The following CD226 variants were observed in gnomAD, a reference collection of about 807,000 sequenced individuals.
The protein encoded by CD226 is CD226 molecule, also known as CD226 antigen.
In CD226, 24 loss-of-function variants were observed where a neutral mutation model predicts 34.9. The ratio of observed to expected loss-of-function variants is 0.69; its 90% CI spans 0.50 to 0.97. The LOEUF is 0.97. Among genes scored for constraint, CD226 ranks in the 50% least tolerant of loss-of-function variants. The pLI, the probability that CD226 is intolerant of heterozygous loss-of-function variation, is 0.00. For synonymous variants in CD226, 148 were observed against 147.4 expected (o/e 1.00, Z -0.03); for missense variants, 397 against 412.7 (o/e 0.96, Z 0.33).
In CD226 at chr18:69,864,103, T is replaced by A; in HGVS notation, c.*211A>T. The A allele has an allele frequency of 1.9e-6, 1 of 517,042 alleles. No individual in the cohort carries two copies. The allele number at this position is 517,042 out of a possible 1,614,324, so 32.0% of individuals were successfully genotyped here. ...CATTCTGTTATATGATACAGTAAGT[T>A]TTCTTTTGTATATAAACCAGTTAGA... is the stretch of plus-strand genomic sequence containing the variant. On this transcript the variant is annotated 3_prime_UTR_variant, in exon 6 of 6. Coordinates refer to ENST00000582621, the MANE Select transcript of CD226 (RefSeq NM_001303618.2).
At chr18:69,954,296 G>C (rs987714050) in intron 1 of CD226, among the ~76,000 whole-genome samples, 1 of 152,206 alleles carries the variant, frequency 6.6e-6, no homozygotes, top group African/African-American at 2.4e-5. Context: ...TCACAACTTT[G>C]TGATAACAGC....
At position 69,898,867 on chromosome 18, in the gene CD226, G is replaced by A. The variant is rs1472684057; in HGVS notation, c.383-2822C>T. On this transcript the variant is annotated intron_variant, in intron 2 of 5. Coordinates refer to ENST00000582621, the MANE Select transcript of CD226 (RefSeq NM_001303618.2). ...AAGAGCCCACACAAACAAGAGAACC[G>A]TGGGATCCTGATGAACTTGGAATTG... Among the ~76,000 whole-genome samples, 6 of 152,314 alleles carry A rather than the reference G, an allele frequency of 3.9e-5. No homozygotes were observed. In the East Asian group the frequency reaches 7.7e-4, roughly 20 times the overall value.
intron 2 of CD226, among the ~76,000 whole-genome samples, chr18:69,905,903 T>C (rs2055247105): frequency 6.6e-6 from 1 of 152,116 alleles, no homozygotes; most frequent in Non-Finnish European, 1.5e-5. Context: ...TGTCAAAGAT[T>C]CTCTCACCAA....
chr18:69,939,949 G>A (rs2055702258), intron 2 of CD226, among the ~76,000 whole-genome samples: 1 of 152,120 alleles, frequency 6.6e-6, no homozygotes, highest in Admixed American at 6.5e-5. Flanking sequence ...ATATAATTTG[G>A]CCGTGTGCCC....
At chr18:69,953,200 C>T (rs1294928828) in intron 1 of CD226, among the ~76,000 whole-genome samples, 1 of 152,042 alleles carries the variant, frequency 6.6e-6, no homozygotes, top group Non-Finnish European at 1.5e-5. Flanking sequence ...ACTGTATGAC[C>T]CAGAAGTTTT....
At chr18:69,896,622 A>T (rs1372096711) in intron 2 of CD226, among the ~76,000 whole-genome samples, 1 of 152,194 alleles carries the variant, frequency 6.6e-6, no homozygotes, top group Non-Finnish European at 1.5e-5. Context: ...TGTAGTGAGA[A>T]ACACAGCCAA....
At chr18:69,935,989 T>A (rs900392536) in intron 2 of CD226, among the ~76,000 whole-genome samples, 1 of 152,120 alleles carries the variant, frequency 6.6e-6, no homozygotes, top group African/African-American at 2.4e-5. Context: ...AAAAGTTTCC[T>A]CTGGATTTTG....
chr18:69,933,139 C>T (rs901071675), intron 2 of CD226, among the ~76,000 whole-genome samples: 5 of 152,144 alleles, frequency 3.3e-5, no homozygotes, highest in African/African-American at 1.2e-4. Context: ...CTCCTATCTG[C>T]CTGCTTTTGT....
chr18:69,951,988 A>G (rs2055858075), upstream of CD226, among the ~76,000 whole-genome samples: 2 of 152,226 alleles, frequency 1.3e-5, no homozygotes, highest in South Asian at 4.1e-4. Flanking sequence ...TGTTTATTGC[A>G]GCACTATTCA....
In CD226 at chr18:69,858,979, T is replaced by C. The variant is rs1982697104; in HGVS notation, c.*5335A>G. On this transcript the variant is annotated 3_prime_UTR_variant, in exon 6 of 6. Transcript: ENST00000582621. Reference sequence around the variant, plus strand: ...CCTGACCTCGTATTTTTTTTTTTCTTCAACAGTCAGTATCTGTTTTCGTGC... The same window carrying C: ...CCTGACCTCGTATTTTTTTTTTTCTCCAACAGTCAGTATCTGTTTTCGTGC... The C allele has an allele frequency of 6.6e-6, 1 of 151,894 alleles. No homozygotes were observed. The highest frequency in any genetic ancestry group is 1.5e-5 in the Non-Finnish European group (1 of 67,966). The allele number at this position is 151,894 out of a possible 1,614,324, so 9.4% of individuals were successfully genotyped here. A position where few individuals can be genotyped will look rare whatever the true frequency, so the allele number is the denominator to read the frequency against.
At chr18:69,886,305 C>T (rs1984552546) in intron 3 of CD226, among the ~76,000 whole-genome samples, 1 of 152,200 alleles carries the variant, frequency 6.6e-6, no homozygotes, top group African/African-American at 2.4e-5. Flanking sequence ...CACTGGCACA[C>T]ATAGAAACAT....
In CD226 at chr18:69,911,997, A is replaced by G. The variant is rs150189697; in HGVS notation, c.383-15952T>C. Among the ~76,000 whole-genome samples, 32 of 152,206 alleles carry G rather than the reference A, an allele frequency of 2.1e-4. 2 individuals carry two copies. In the East Asian group the frequency reaches 6.0e-3, roughly 29 times the overall value. On this transcript the variant is annotated intron_variant, in intron 2 of 5. Transcript: ENST00000582621. ...CTTCATTTTCTTATATCTATTCAAA[A>G]TGTTTCTTTCTTTTTTTATTATACT...
upstream of CD226, among the ~76,000 whole-genome samples, chr18:69,949,652 T>C (rs1481026677): frequency 6.6e-6 from 1 of 151,802 alleles, no homozygotes; most frequent in Non-Finnish European, 1.5e-5. Context: ...AACCCACACA[T>C]GCTGTCTCCC....
chr18:69,856,092 T>C lies in CD226; in HGVS notation c.*8222A>G, dbSNP rs987415034. On this transcript the variant is annotated 3_prime_UTR_variant, in exon 6 of 6. Coordinates refer to ENST00000582621, the MANE Select transcript of CD226 (RefSeq NM_001303618.2). ...ACATTAAATATAAATATTTAGATAA[T>C]TTAAAATTAAAAGGATAAAGATGTG... is the stretch of plus-strand genomic sequence containing the variant. The C allele has an allele frequency of 6.6e-6, 1 of 152,132 alleles. No individual in the cohort carries two copies. Among genetic ancestry groups the C allele is most frequent in the African/African-American group, 2.4e-5 (1 of 41,436 alleles). 9.4% of individuals were successfully genotyped at this position (152,132 alleles called of 1,614,324 possible). A position where few individuals can be genotyped will look rare whatever the true frequency, so the allele number is the denominator to read the frequency against.
chr18:69,883,789 G>A (rs1423192988), intron 3 of CD226, among the ~76,000 whole-genome samples: 1 of 152,180 alleles, frequency 6.6e-6, no homozygotes, highest in Admixed American at 6.5e-5. Context: ...ATCTTAAAAT[G>A]AGCCATCAGT....
chr18:69,888,765 T>C (rs887942184), intron 3 of CD226, among the ~76,000 whole-genome samples: 1 of 152,226 alleles, frequency 6.6e-6, no homozygotes, highest in African/African-American at 2.4e-5. Context: ...CTGTTAGAAC[T>C]TGCTTTATGT....
chr18:69,891,625 T>G (rs1224354193), intron 3 of CD226, among the ~76,000 whole-genome samples: 2 of 152,038 alleles, frequency 1.3e-5, no homozygotes, highest in Non-Finnish European at 2.9e-5. Flanking sequence ...AACTAATAAA[T>G]GAATTCAGTT....
intron 2 of CD226, among the ~76,000 whole-genome samples, chr18:69,937,858 CA>C (rs1373979013): frequency 1.3e-5 from 2 of 152,172 alleles, no homozygotes; most frequent in Non-Finnish European, 2.9e-5. Flanking sequence ...TAGGATTCCT[CA>C]GAACTGCCAT....
chr18:69,867,545 T>C (rs1432744867), intron 4 of CD226, 134 bp from the exon 5 acceptor site: 1 of 594,202 alleles, frequency 1.7e-6, no homozygotes, highest in Non-Finnish European at 3.0e-6. Context: ...TATGCACATT[T>C]ATCCAAAATT....
Sources: gnomAD v4.1 joint callset for allele counts (sites outside exome capture counted in the v4.1 genomes callset) on GRCh38, gnomAD v4.1.1 for gene constraint, MANE v1.5 for transcripts, NCBI Gene and HGNC (gene_info 2026-07-23, HGNC 2026-07-21) for gene names.